Variants in HCAR1 observed in about 807,000 individuals in gnomAD.
HCAR1 encodes hydroxycarboxylic acid receptor 1.
For missense variants in HCAR1, 445 were observed against 448.7 expected, an observed-to-expected ratio of 0.99 and a Z score of 0.07; for synonymous variants, 183 against 182.1, an observed-to-expected ratio of 1.01 and a Z score of -0.04.
rs767771972 is a variant in HCAR1, at chr12:122,729,567, C to G, written c.773G>C (p.Gly258Ala). The change falls in exon 1 of 1, where the codon GGG (glycine) becomes GCG (alanine). Residue 258 changes from glycine to alanine, a missense_variant. By Grantham distance (60) the Gly-to-Ala change is moderately conservative (BLOSUM62 0). Coordinates refer to ENST00000432564, the MANE Select transcript of HCAR1 (RefSeq NM_032554.4). ...GAAGCTGAGGGTTATGTGCAGGGCC[C>G]CATGGACAGAGGGATCGCAGGCACT... Reference protein sequence around the residue: ...PSSACDPSVHGALHITLSFTY... With the variant: ...PSSACDPSVHAALHITLSFTY... The G allele has an allele frequency of 4.3e-6, 7 of 1,614,026 alleles. No homozygotes were observed. The highest frequency in any genetic ancestry group is 5.9e-6 in the Non-Finnish European group (7 of 1,180,018).
Position 122,729,472 on chromosome 12 carries a change from T to A in HCAR1, c.868A>T (p.Asn290Tyr). 2 of 1,614,074 alleles carry A rather than the reference T, an allele frequency of 1.2e-6. No individual in the cohort carries two copies. The highest frequency in any genetic ancestry group is 1.7e-6 in the Non-Finnish European group (2 of 1,180,018). ...FSSPSFPKFYNKLKICSLKPK... is the reference protein window; with the variant it reads ...FSSPSFPKFYYKLKICSLKPK... The stretch of plus-strand genomic sequence containing the variant: ...TTCAGACTGCAGATTTTGAGCTTGT[T>A]GTAGAATTTGGGAAAGGAGGGGCTT... Residue 290 changes from asparagine (N) to tyrosine (Y), a missense_variant, in exon 1 of 1, where the codon AAC (asparagine) becomes TAC (tyrosine). Transcript: ENST00000432564.
In HCAR1 at chr12:122,730,630, T is replaced by A. The variant is rs191323633; in HGVS notation, c.-291A>T. On this transcript the variant is annotated 5_prime_UTR_variant, in exon 1 of 1. Transcript: ENST00000432564. ...GGATGAAGCTTGGAAATGCATGCAA[T>A]TTTGCAAAAGTGGTCATTTCTGAGA... 169 of 353,256 alleles carry A rather than the reference T, an allele frequency of 4.8e-4. No individual in the cohort carries two copies. The highest frequency in any genetic ancestry group is 1.9e-3 in the South Asian group (20 of 10,288). 21.9% of individuals were successfully genotyped at this position (353,256 alleles called of 1,614,324 possible).
In HCAR1 at chr12:122,730,147, T is replaced by A. The variant is rs996818327; in HGVS notation, c.193A>T (p.Met65Leu). Residue 65 changes from methionine to leucine, a missense_variant, in exon 1 of 1, where the codon ATG becomes TTG. Physicochemically the swap from Met to Leu is conservative, Grantham distance 15 (BLOSUM62 2). Transcript: ENST00000432564. Reference sequence around the variant, plus strand: ...TCTGTCCGAAAAGGCAGGCAGATCATAAGGAGGAAATCAGCCACGGCCAAA... The same window carrying A: ...TCTGTCCGAAAAGGCAGGCAGATCAAAAGGAGGAAATCAGCCACGGCCAAA... ...FNLAVADFLL[M>L]ICLPFRTDYY... The A allele has an allele frequency of 6.2e-7, 1 of 1,614,060 alleles. No homozygotes were observed.
rs760225568 is a variant in HCAR1, at chr12:122,729,949, C to T, written c.391G>A (p.Val131Met). The T allele has an allele frequency of 6.2e-7, 1 of 1,613,756 alleles. No individual in the cohort carries two copies. The highest frequency in any genetic ancestry group is 8.5e-7 in the Non-Finnish European group (1 of 1,179,884). ...AGGGTGCAGACGATGCCAGCCGCCA[C>T]CCGGGTGGAGATAGTGTTCACCGCG... ...HHAVNTISTR[V>M]AAGIVCTLWA... Residue 131 changes from valine (V) to methionine (M), a missense_variant, in exon 1 of 1, where the codon GTG becomes ATG. Physicochemically the swap from Val to Met is conservative, Grantham distance 21. Coordinates refer to ENST00000432564, the MANE Select transcript of HCAR1 (RefSeq NM_032554.4).
At position 122,730,392 on chromosome 12, in the gene HCAR1, A is replaced by C; in HGVS notation, c.-53T>G. On this transcript the variant is annotated 5_prime_UTR_variant, in exon 1 of 1. Transcript: ENST00000432564. The stretch of plus-strand genomic sequence containing the variant: ...CAGAGCAGCCCAGGGAGTCCCCACA[A>C]TGGCACAGATGCTTATCTGAGCGTT... The C allele has an allele frequency of 2.2e-6, 3 of 1,367,100 alleles. No homozygotes were observed. Among genetic ancestry groups the C allele is most frequent in the Non-Finnish European group, 3.0e-6 (3 of 1,008,140 alleles). The allele number at this position is 1,367,100 out of a possible 1,614,324, so 84.7% of individuals were successfully genotyped here.
Position 122,729,260 on chromosome 12 carries a change from T to A in HCAR1, c.*39A>T, listed in dbSNP as rs748683777. On this transcript the variant is annotated 3_prime_UTR_variant, in exon 1 of 1. Coordinates refer to ENST00000432564, the MANE Select transcript of HCAR1 (RefSeq NM_032554.4). ...CCCCTTAGCACGAGTTAATTCTAAG[T>A]CACCACTCTATCTTCCTCAGTGTTG... 1 of 1,582,282 alleles carries A rather than the reference T, an allele frequency of 6.3e-7. No individual in the cohort carries two copies.
In HCAR1 at chr12:122,729,822, G is replaced by A; in HGVS notation, c.518C>T (p.Ala173Val). Reference protein sequence around the residue: ...VSCESFIMESANGWHDIMFQL... With the variant: ...VSCESFIMESVNGWHDIMFQL... ...GAACATGATGTCATGCCAGCCATTG[G>A]CCGACTCCATGATGAAGCTCTCACA... The change falls in exon 1 of 1, where the codon GCC becomes GTC. Residue 173 changes from alanine (A) to valine (V), a missense_variant. Ala to Val is a moderately conservative substitution (Grantham distance 64). Transcript: ENST00000432564. 1 of 1,609,506 alleles carries A rather than the reference G, an allele frequency of 6.2e-7. No homozygotes were observed. Among genetic ancestry groups the A allele is most frequent in the Non-Finnish European group, 8.5e-7 (1 of 1,178,454 alleles).
Position 122,730,468 on chromosome 12 carries a change from C to T in HCAR1, c.-129G>A. On this transcript the variant is annotated 5_prime_UTR_variant, in exon 1 of 1. Transcript: ENST00000432564. ...TGACTTCATCACCCAGGATGCGGGT[C>T]CTGTGTGTGTGGGTTGGATGCTGCC... 1 of 700,384 alleles carries T rather than the reference C, an allele frequency of 1.4e-6. No homozygotes were observed. The allele number at this position is 700,384 out of a possible 1,614,324, so 43.4% of individuals were successfully genotyped here.
Position 122,729,444 on chromosome 12 carries a change from G to T in HCAR1, c.896C>A (p.Pro299His), listed in dbSNP as rs778270960. Residue 299 changes from proline (P) to histidine (H), a missense_variant, in exon 1 of 1, where the codon CCC becomes CAC. Physicochemically the swap from Pro to His is moderately conservative, Grantham distance 77 (BLOSUM62 -2). Coordinates refer to ENST00000432564, the MANE Select transcript of HCAR1 (RefSeq NM_032554.4). ...TGTTTTTGAGTGTCCTGGCTGCTTG[G>T]GTTTCAGACTGCAGATTTTGAGCTT... ...YNKLKICSLK[P>H]KQPGHSKTQR... The T allele has an allele frequency of 6.2e-7, 1 of 1,614,008 alleles. No homozygotes were observed. The highest frequency in any genetic ancestry group is 1.1e-5 in the South Asian group (1 of 91,066).
rs755911344 is a variant in HCAR1 at position 122,729,687 on chromosome 12, G to A, written c.653C>T (p.Ala218Val). 2 of 1,613,800 alleles carry A rather than the reference G, an allele frequency of 1.2e-6. No individual in the cohort carries two copies. Among genetic ancestry groups the A allele is most frequent in the South Asian group, 1.1e-5 (1 of 91,074 alleles). The change falls in exon 1 of 1, where the codon GCG becomes GTG. Residue 218 changes from alanine (A) to valine (V), a missense_variant. Ala to Val is a moderately conservative substitution (Grantham distance 64, BLOSUM62 0). Transcript: ENST00000432564. ...QLARQARMKK[A>V]TRFIMVVAIV... ...TGCCACCACCATGATGAACCGGGTC[G>A]CCTTCTTCATCCGAGCCTGTCTGGC... is the stretch of plus-strand genomic sequence containing the variant.
In HCAR1 at chr12:122,729,649, T is replaced by G; in HGVS notation, c.691A>C (p.Thr231Pro). The change falls in exon 1 of 1, where the codon ACA becomes CCA. Residue 231 changes from threonine to proline, a missense_variant. Thr to Pro is a conservative substitution (Grantham distance 38, BLOSUM62 -1). Coordinates refer to ENST00000432564, the MANE Select transcript of HCAR1 (RefSeq NM_032554.4). ...GCAGACACGCTGGGCAGGTAGCATG[T>G]GATGAACACAATTGCCACCACCATG... ...FIMVVAIVFITCYLPSVSARL... is the reference protein window; with the variant it reads ...FIMVVAIVFIPCYLPSVSARL... 6.2e-7 allele frequency: 1 copy of G among 1,614,106 alleles called. No homozygotes were observed. The highest frequency in any genetic ancestry group is 8.5e-7 in the Non-Finnish European group (1 of 1,180,010).
In HCAR1 at chr12:122,729,516, G is replaced by C; in HGVS notation, c.824C>G (p.Pro275Arg). 1 of 1,614,022 alleles carries C rather than the reference G, an allele frequency of 6.2e-7. No homozygotes were observed. The highest frequency in any genetic ancestry group is 8.5e-7 in the Non-Finnish European group (1 of 1,180,008). The change falls in exon 1 of 1, where the codon CCC becomes CGC. Residue 275 changes from proline to arginine, a missense_variant. Physicochemically the swap from Pro to Arg is moderately radical, Grantham distance 103 (BLOSUM62 -2). Transcript: ENST00000432564. Reference sequence around the variant, plus strand: ...GGGGCTTGAAAAATAATACACCAGGGGATCCAGCATGCTGTTCATGTAGGT... The same window carrying C: ...GGGGCTTGAAAAATAATACACCAGGCGATCCAGCATGCTGTTCATGTAGGT... ...SFTYMNSMLDPLVYYFSSPSF... is the reference protein window; with the variant it reads ...SFTYMNSMLDRLVYYFSSPSF...
At position 122,730,032 on chromosome 12, in the gene HCAR1, A is replaced by G. The variant is rs763996022; in HGVS notation, c.308T>C (p.Ile103Thr). ...CGCAGCCACCACCGTAAGGAACACG[A>G]TGCTCCCGGCCCTGTTCATGGCCAA... ...FTLAMNRAGS[I>T]VFLTVVAADR... Residue 103 changes from isoleucine to threonine, a missense_variant, in exon 1 of 1, where the codon ATC becomes ACC. Ile to Thr is a moderately conservative substitution (Grantham distance 89). Transcript: ENST00000432564. 2 of 1,614,136 alleles carry G rather than the reference A, an allele frequency of 1.2e-6. No individual in the cohort carries two copies. Among genetic ancestry groups the G allele is most frequent in the East Asian group, 2.2e-5 (1 of 44,872 alleles).
In HCAR1 at chr12:122,726,631, G is replaced by C. The variant is rs567528747; in HGVS notation, c.*2668C>G. 1 of 152,228 alleles carries C rather than the reference G, an allele frequency of 6.6e-6. No homozygotes were observed. Among genetic ancestry groups the C allele is most frequent in the African/African-American group, 2.4e-5 (1 of 41,554 alleles). The allele number at this position is 152,228 out of a possible 1,614,324, so 9.4% of individuals were successfully genotyped here. ...ATGATTAAATAAAATCTGCCAGGCTGGGCGGGGTGCGGTGGCTTACACCTG... is the reference window on the plus strand; with the variant it reads ...ATGATTAAATAAAATCTGCCAGGCTCGGCGGGGTGCGGTGGCTTACACCTG... On this transcript the variant is annotated 3_prime_UTR_variant, in exon 1 of 1. Coordinates refer to ENST00000432564, the MANE Select transcript of HCAR1 (RefSeq NM_032554.4).
Position 122,726,292 on chromosome 12 carries a change from A to C in HCAR1, c.*3007T>G, listed in dbSNP as rs1877789817. ...GGCATGATAACAGAGGAACAACTTAAGCGCTCTAAACCCCAAAGGAAATGC... is the reference window on the plus strand; with the variant it reads ...GGCATGATAACAGAGGAACAACTTACGCGCTCTAAACCCCAAAGGAAATGC... On this transcript the variant is annotated 3_prime_UTR_variant, in exon 1 of 1. Transcript: ENST00000432564. 1 of 152,230 alleles carries C rather than the reference A, an allele frequency of 6.6e-6. No homozygotes were observed. The highest frequency in any genetic ancestry group is 2.1e-4 in the South Asian group (1 of 4,828). 9.4% of individuals were successfully genotyped at this position (152,230 alleles called of 1,614,324 possible).
rs751918427 is a variant in HCAR1, at chr12:122,729,354, C to G, written c.986G>C (p.Ser329Thr). The change falls in exon 1 of 1, where the codon AGT becomes ACT. Residue 329 changes from serine (S) to threonine (T), a missense_variant. Ser to Thr is a moderately conservative substitution (Grantham distance 58). Transcript: ENST00000432564. ...TTGCCCATCAGACTGGCTTTGGAAACTATTTGCCACACTGATGCAACTCCT... is the reference window on the plus strand; with the variant it reads ...TTGCCCATCAGACTGGCTTTGGAAAGTATTTGCCACACTGATGCAACTCCT... Reference protein sequence around the residue: ...GRRSCISVANSFQSQSDGQWD... With the variant: ...GRRSCISVANTFQSQSDGQWD... 6.2e-7 allele frequency: 1 copy of G among 1,614,030 alleles called. No individual in the cohort carries two copies. Among genetic ancestry groups the G allele is most frequent in the Non-Finnish European group, 8.5e-7 (1 of 1,180,046 alleles).
chr12:122,729,496 T>C lies in HCAR1; in HGVS notation c.844A>G (p.Ser282Gly). Reference sequence around the variant, plus strand: ...TTGTAGAATTTGGGAAAGGAGGGGCTTGAAAAATAATACACCAGGGGATCC... The same window carrying C: ...TTGTAGAATTTGGGAAAGGAGGGGCCTGAAAAATAATACACCAGGGGATCC... ...MLDPLVYYFS[S>G]PSFPKFYNKL... Residue 282 changes from serine (S) to glycine (G), a missense_variant, in exon 1 of 1, where the codon AGC (serine) becomes GGC (glycine). Physicochemically the swap from Ser to Gly is moderately conservative, Grantham distance 56. Transcript: ENST00000432564. 1.2e-6 allele frequency: 2 copies of C among 1,614,076 alleles called. No homozygotes were observed. The highest frequency in any genetic ancestry group is 1.7e-6 in the Non-Finnish European group (2 of 1,180,022).
At position 122,730,496 on chromosome 12, in the gene HCAR1, A is replaced by T. The variant is rs1281825425; in HGVS notation, c.-157T>A. On this transcript the variant is annotated 5_prime_UTR_variant, in exon 1 of 1. Transcript: ENST00000432564. Reference sequence around the variant, plus strand: ...GTGTGTGTGGGTTGGATGCTGCCACAGCAGCGAGAAGAGAAACTTCAGCCA... The same window carrying T: ...GTGTGTGTGGGTTGGATGCTGCCACTGCAGCGAGAAGAGAAACTTCAGCCA... 5 of 506,888 alleles carry T rather than the reference A, an allele frequency of 9.9e-6. No individual in the cohort carries two copies. The allele number at this position is 506,888 out of a possible 1,614,324, so 31.4% of individuals were successfully genotyped here.
In HCAR1 at chr12:122,729,789, T is replaced by G. The variant is rs1227589448; in HGVS notation, c.551A>C (p.Glu184Ala). The G allele has an allele frequency of 6.2e-7, 1 of 1,610,486 alleles. No homozygotes were observed. Among genetic ancestry groups the G allele is most frequent in the South Asian group, 1.1e-5 (1 of 91,076 alleles). Residue 184 changes from glutamate to alanine, a missense_variant, in exon 1 of 1, where the codon GAG becomes GCG. Transcript: ENST00000432564. ...NGWHDIMFQL[E>A]FFMPLGIILF... ...GATGATGCCGAGGGGCATAAAGAAC[T>G]CCAGCTGGAACATGATGTCATGCCA...
Sources: allele counts gnomAD v4.1 joint callset, GRCh38; gene constraint gnomAD v4.1.1; transcripts MANE v1.5; gene names NCBI Gene and HGNC (gene_info 2026-07-23, HGNC 2026-07-21).